HMCN1: variants seen among roughly 807,000 people sequenced by gnomAD.
HMCN1 encodes hemicentin 1, also known as hemicentin-1.
In HMCN1, 321 loss-of-function variants were observed where a neutral mutation model predicts 625.9. The ratio of observed to expected loss-of-function variants is 0.51; its 90% CI spans 0.47 to 0.56. The LOEUF (loss-of-function observed/expected upper bound fraction) is 0.56. HMCN1 is among the 20% of genes least tolerant of loss of function. HMCN1 has a pLI of 0.00. For missense variants in HMCN1, 6,588 were observed against 6,887.3 expected (o/e 0.96, Z 1.54); for synonymous variants, 2,425 against 2,417.6 (o/e 1.00, Z -0.09).
At chr1:186,011,954 C>CA (rs1444565326) in intron 30 of HMCN1, among the ~76,000 whole-genome samples, 1 of 151,990 alleles carries the variant, frequency 6.6e-6, no homozygotes, top group Non-Finnish European at 1.5e-5. Context: ...GCCCTGAACT[C>CA]AAAAAAAGTA....
intron 1 of HMCN1, among the ~76,000 whole-genome samples, chr1:185,828,407 T>C (rs972208615): frequency 3.8e-4 from 58 of 152,146 alleles, no homozygotes; most frequent in African/African-American, 1.1e-3. Context: ...CAGTGAAATG[T>C]ATCTATGTAC....
At chr1:185,861,307 G>C (rs1375021241) in intron 2 of HMCN1, among the ~76,000 whole-genome samples, 1 of 152,130 alleles carries the variant, frequency 6.6e-6, no homozygotes, top group Non-Finnish European at 1.5e-5. Flanking sequence ...TTGGCCCATA[G>C]ACAGAAAACT....
Position 186,162,496 on chromosome 1 carries a change from TTA to T in HMCN1, c.15257-2614_15257-2613del, listed in dbSNP as rs1219955642. On this transcript the variant is annotated intron_variant, in intron 97 of 106. Transcript: ENST00000271588. The stretch of plus-strand genomic sequence containing the variant: ...CTTTGGAGGAGAGGTGCTCTGCTTT[TTA>T]GAGTTTCCAGTTTTTCTGCTCTGTT... Among the ~76,000 whole-genome samples, 31 of 152,232 alleles carry T rather than the reference TTA, an allele frequency of 2.0e-4. 1 individual carries two copies. Among genetic ancestry groups the T allele is most frequent in the African/African-American group, 7.5e-4 (31 of 41,458 alleles).
intron 15 of HMCN1, among the ~76,000 whole-genome samples, chr1:185,971,265 A>G (rs1342183416): frequency 6.6e-6 from 1 of 152,240 alleles, no homozygotes; most frequent in Non-Finnish European, 1.5e-5. Flanking sequence ...TTTACTTAAA[A>G]AAATTCAATA....
intron 6 of HMCN1, among the ~76,000 whole-genome samples, chr1:185,919,091 A>ATATATATATATATATATATATATATATAT (rs1158040512): frequency 6.7e-6 from 1 of 150,214 alleles, no homozygotes; most frequent in African/African-American, 2.5e-5. Context: ...ATATATATAT[A>ATATATATATATATATATATATATATATAT]ATTTTATTAC....
intron 19 of HMCN1, among the ~76,000 whole-genome samples, chr1:185,986,867 T>TA (rs1262816456): frequency 0.013 from 1,960 of 149,988 alleles, 44 homozygotes; most frequent in African/African-American, 0.045. Context: ...TTAAATAAAT[T>TA]AAATAAAATA....
intron 2 of HMCN1, among the ~76,000 whole-genome samples, chr1:185,851,947 AAAGTC>A (rs761081373): frequency 1.7e-4 from 26 of 152,074 alleles, no homozygotes; most frequent in Non-Finnish European, 3.5e-4. Context: ...TTTCCTTAGT[AAAGTC>A]TTTTAATAAA....
In HMCN1 at chr1:186,001,586, C is replaced by T. The variant is rs771369376; in HGVS notation, c.4201-8C>T. 6.2e-7 allele frequency: 1 copy of T among 1,612,740 alleles called. No individual in the cohort carries two copies. Among genetic ancestry groups the T allele is most frequent in the Non-Finnish European group, 8.5e-7 (1 of 1,179,162 alleles). ...TGGAAATAACACTGACCATTTTGGC[C>T]CTTAAAGGTGACTGAAAGCAGCACT... On this transcript the variant is annotated splice_region_variant and splice_polypyrimidine_tract_variant and intron_variant, in intron 27 of 106. Transcript: ENST00000271588.
chr1:186,117,231 G>A, intron 76 of HMCN1, 116 bp downstream of exon 76: 1 of 1,413,412 alleles, frequency 7.1e-7, no homozygotes, highest in Non-Finnish European at 9.8e-7. Flanking sequence ...TTTAAGTTCA[G>A]GGGTACACAT....
At chr1:185,933,877 T>TA in intron 11 of HMCN1, 53 bp downstream of exon 11, 3 of 1,572,720 alleles carry the variant, frequency 1.9e-6, no homozygotes, top group Non-Finnish European at 2.6e-6. Context: ...CCTCTATTTT[T>TA]AAAATTTTTG....
At chr1:186,015,490 T>C (rs1654308843) in intron 31 of HMCN1, 53 bp downstream of exon 31, 3 of 1,534,428 alleles carry the variant, frequency 2.0e-6, no homozygotes, top group Non-Finnish European at 1.8e-6. Flanking sequence ...TGCTTTCTAA[T>C]AGGCAAATAT....
In HMCN1 at chr1:186,000,180, T is replaced by C; in HGVS notation, c.4010T>C (p.Ile1337Thr). The C allele has an allele frequency of 1.2e-6, 2 of 1,613,168 alleles. No individual in the cohort carries two copies. Among genetic ancestry groups the C allele is most frequent in the Non-Finnish European group, 1.7e-6 (2 of 1,179,392 alleles). ...SVTPYDNGEY[I>T]CVAVNEAGTT... ...ACACCCTATGACAATGGGGAGTACATCTGTGTGGCAGTCAATGAAGCTGGA... is the reference window on the plus strand; with the variant it reads ...ACACCCTATGACAATGGGGAGTACACCTGTGTGGCAGTCAATGAAGCTGGA... Residue 1337 changes from isoleucine to threonine, a missense_variant, in exon 26 of 107, where the codon ATC (isoleucine) becomes ACC (threonine). Ile to Thr is a moderately conservative substitution (Grantham distance 89). Transcript: ENST00000271588.
intron 4 of HMCN1, among the ~76,000 whole-genome samples, chr1:185,880,873 A>G (rs140794382): frequency 1.3e-5 from 2 of 152,338 alleles, no homozygotes; most frequent in African/African-American, 4.8e-5. Flanking sequence ...TGATAGCTTT[A>G]TCATGTGCAG....
chr1:185,874,872 C>CA (rs1408391959), intron 4 of HMCN1, among the ~76,000 whole-genome samples: 1 of 151,660 alleles, frequency 6.6e-6, no homozygotes, highest in Non-Finnish European at 1.5e-5. Context: ...ATTTGAATAT[C>CA]AATATCATCT....
chr1:186,182,987 T>C (rs1017944826), intron 105 of HMCN1, among the ~76,000 whole-genome samples: 2 of 152,184 alleles, frequency 1.3e-5, no homozygotes, highest in African/African-American at 4.8e-5. Flanking sequence ...TGTAATTTGG[T>C]AAAGTTGATT....
At chr1:185,762,462 G>A (rs1045379550) in intron 1 of HMCN1, among the ~76,000 whole-genome samples, 2 of 152,128 alleles carry the variant, frequency 1.3e-5, no homozygotes, top group Non-Finnish European at 2.9e-5. Flanking sequence ...CTTGTGGCTT[G>A]TGTTATTTTA....
intron 69 of HMCN1, among the ~76,000 whole-genome samples, chr1:186,106,362 C>T (rs1660606953): frequency 6.6e-6 from 1 of 152,156 alleles, no homozygotes; most frequent in African/African-American, 2.4e-5. Context: ...TGCTGTCAGT[C>T]TGACCCTATT....
intron 92 of HMCN1, 85 bp from the exon 93 acceptor site, chr1:186,145,668 T>C: frequency 6.2e-7 from 1 of 1,611,420 alleles, no homozygotes; most frequent in Non-Finnish European, 8.5e-7. Flanking sequence ...AAATGAAAGT[T>C]GTATAGGCAG....
At chr1:186,028,568 C>T (rs921941074) in intron 36 of HMCN1, among the ~76,000 whole-genome samples, 1 of 152,052 alleles carries the variant, frequency 6.6e-6, no homozygotes, top group Non-Finnish European at 1.5e-5. Context: ...AATTATTTGG[C>T]AAACAATCCC....
Sources: gnomAD v4.1 joint callset for allele counts (sites outside exome capture counted in the v4.1 genomes callset) on GRCh38, gnomAD v4.1.1 for gene constraint, MANE v1.5 for transcripts, NCBI Gene and HGNC (gene_info 2026-07-23, HGNC 2026-07-21) for gene names.